The following CDC42 variants were observed in gnomAD, a reference collection of about 807,000 sequenced individuals.
The protein encoded by CDC42 is cell division cycle 42.
Under a neutral mutation model 20.8 loss-of-function variants are expected in CDC42, and 1 was observed. The ratio of observed to expected loss-of-function variants is 0.05; its 90% CI spans 0.02 to 0.23. The LOEUF is 0.23. Ranked by LOEUF, CDC42 falls within the 10% of genes least tolerant of loss-of-function variation. CDC42 has a pLI of 1.00. For synonymous variants in CDC42, 72 were observed against 84.8 expected (o/e 0.85, Z 0.83); for missense variants, 49 against 227.9 (o/e 0.21, Z 5.05).
chr1:22,070,506 C>T (rs1645474980), intron 1 of CDC42, among the ~76,000 whole-genome samples: 1 of 112,440 alleles, frequency 8.9e-6, no homozygotes, highest in African/African-American at 3.4e-5. Context: ...CTCTGTTGCT[C>T]AGGCTGGAGT....
intron 2 of CDC42, chr1:22,078,886 CTTTT>C (rs34952712): frequency 8.0e-4 from 794 of 996,712 alleles, no homozygotes; most frequent in South Asian, 1.4e-3. Flanking sequence ...AATGAGGTGA[CTTTT>C]TTTTTTTTTT....
rs1645770189 is a variant in CDC42 at position 22,098,304 on chromosome 1, G to A, written c.*6787G>A. On this transcript the variant is annotated 3_prime_UTR_variant, in exon 6 of 6. Coordinates refer to ENST00000656825, the MANE Select transcript of CDC42 (RefSeq NM_001791.4). ...ATCATTGAGGTCTCAAATGCAGTTC[G>A]GGTTCCTGGTTGGTGAACAATTAGA... 1.3e-5 allele frequency among the ~76,000 whole-genome samples: 2 copies of A among 151,768 alleles called. No individual in the cohort carries two copies. The highest frequency in any genetic ancestry group is 4.8e-5 in the African/African-American group (2 of 41,290).
intron 1 of CDC42, among the ~76,000 whole-genome samples, chr1:22,064,781 A>G (rs979488631): frequency 6.6e-6 from 1 of 151,788 alleles, no homozygotes; most frequent in Non-Finnish European, 1.5e-5. Flanking sequence ...GGTTCAAGCA[A>G]TTCTCTGGCT....
In CDC42 at chr1:22,095,203, G is replaced by A. The variant is rs1046735861; in HGVS notation, c.*3686G>A. Among the ~76,000 whole-genome samples, 1 of 152,102 alleles carries A rather than the reference G, an allele frequency of 6.6e-6. No homozygotes were observed. Among genetic ancestry groups the A allele is most frequent in the Non-Finnish European group, 1.5e-5 (1 of 68,028 alleles). On this transcript the variant is annotated 3_prime_UTR_variant, in exon 6 of 6. Coordinates refer to ENST00000656825, the MANE Select transcript of CDC42 (RefSeq NM_001791.4). ...TGTAAGTCTTACTCTGTATCTACCC[G>A]ACTTCAGATCATGGTGATTTAATTA... is the stretch of plus-strand genomic sequence containing the variant.
At chr1:22,061,199 G>A (rs1181279037) in intron 1 of CDC42, among the ~76,000 whole-genome samples, 2 of 152,084 alleles carry the variant, frequency 1.3e-5, no homozygotes, top group Non-Finnish European at 2.9e-5. Context: ...CTGAGGTCAG[G>A]AGTTCGAGAC....
intron 1 of CDC42, chr1:22,053,193 T>A (rs960940370): frequency 6.7e-6 from 1 of 149,464 alleles, no homozygotes; most frequent in Non-Finnish European, 1.5e-5. Context: ...GCAGGCTGCG[T>A]TCCGTGCCCT....
chr1:22,071,183 A>G (rs1227074115), intron 1 of CDC42, among the ~76,000 whole-genome samples: 2 of 151,220 alleles, frequency 1.3e-5, no homozygotes, highest in African/African-American at 4.9e-5. Flanking sequence ...AGCTGGGACT[A>G]CAGGCGCCTG....
rs1265477070 is a variant in CDC42 at position 22,098,099 on chromosome 1, G to A, written c.*6582G>A. 6.6e-6 allele frequency among the ~76,000 whole-genome samples: 1 copy of A among 152,168 alleles called. No individual in the cohort carries two copies. The highest frequency in any genetic ancestry group is 1.5e-5 in the Non-Finnish European group (1 of 68,030). On this transcript the variant is annotated 3_prime_UTR_variant, in exon 6 of 6. Transcript: ENST00000656825. Reference sequence around the variant, plus strand: ...TGTGGATCACTTGTCTCAGTCATCAGGATTCCTGGACCCTGTAGGATTTAC... The same window carrying A: ...TGTGGATCACTTGTCTCAGTCATCAAGATTCCTGGACCCTGTAGGATTTAC...
In CDC42 at chr1:22,054,955, T is replaced by A. The variant is rs1385272788; in HGVS notation, c.-51+2213T>A. Among the ~76,000 whole-genome samples, 95 of 42,108 alleles carry A rather than the reference T, an allele frequency of 2.3e-3. 3 individuals carry two copies. Among genetic ancestry groups the A allele is most frequent in the African/African-American group, 3.2e-3 (27 of 8,496 alleles). 27.6% of individuals were successfully genotyped at this position (42,108 alleles called of 152,430 possible). A position where few individuals can be genotyped will look rare whatever the true frequency, so the allele number is the denominator to read the frequency against. ...TTTTTTTTTTTTTTTTTTTTTTTTT[T>A]TTTTTTTTTTTTTTTTGAGAAGGAG... is the stretch of plus-strand genomic sequence containing the variant. On this transcript the variant is annotated intron_variant, in intron 1 of 5. Coordinates refer to ENST00000656825, the MANE Select transcript of CDC42 (RefSeq NM_001791.4).
In CDC42 at chr1:22,097,346, A is replaced by G. The variant is rs961859868; in HGVS notation, c.*5829A>G. 3.3e-5 allele frequency among the ~76,000 whole-genome samples: 5 copies of G among 152,180 alleles called. No homozygotes were observed. The highest frequency in any genetic ancestry group is 1.3e-4 in the Admixed American group (2 of 15,278). On this transcript the variant is annotated 3_prime_UTR_variant, in exon 6 of 6. Coordinates refer to ENST00000656825, the MANE Select transcript of CDC42 (RefSeq NM_001791.4). The stretch of plus-strand genomic sequence containing the variant: ...ATCTCGGCTTGCTGCAATCTCTGCA[A>G]TTCTCATGCCTCAGCCTCCCAAGTA...
intron 1 of CDC42, among the ~76,000 whole-genome samples, chr1:22,066,332 G>A (rs1377022048): frequency 6.6e-6 from 1 of 151,782 alleles, no homozygotes; most frequent in Non-Finnish European, 1.5e-5. Context: ...CTGAAATTGC[G>A]CCACTGTGCT....
At chr1:22,057,618 A>T (rs1354063982) in intron 1 of CDC42, among the ~76,000 whole-genome samples, 2 of 152,148 alleles carry the variant, frequency 1.3e-5, no homozygotes, top group African/African-American at 2.4e-5. Context: ...TCCTGACCTC[A>T]GGTGATCCGC....
chr1:22,089,105 C>CCTTGGGTGGTAAACTTGTGG (rs1467802367), intron 5 of CDC42, among the ~76,000 whole-genome samples: 1 of 152,130 alleles, frequency 6.6e-6, no homozygotes, highest in African/African-American at 2.4e-5. Flanking sequence ...AACTAAAGAA[C>CCTTGGGTGGTAAACTTGTGG]ATGTGAAACA....
intron 1 of CDC42, among the ~76,000 whole-genome samples, chr1:22,057,076 G>C (rs1015866995): frequency 3.3e-5 from 5 of 152,234 alleles, no homozygotes; most frequent in African/African-American, 4.8e-5. Context: ...CCTGGGTTCA[G>C]ATCCTGGTTC....
intron 2 of CDC42, among the ~76,000 whole-genome samples, chr1:22,079,715 T>A (rs1232931019): frequency 6.6e-6 from 1 of 152,184 alleles, no homozygotes; most frequent in African/African-American, 2.4e-5. Context: ...AGGGGACATT[T>A]AGAGGTACAT....
chr1:22,064,927 GGCATTCTGGGATTACAGGCGT>G (rs1194645881), intron 1 of CDC42, among the ~76,000 whole-genome samples: 17 of 152,182 alleles, frequency 1.1e-4, no homozygotes, highest in Middle Eastern at 3.4e-3. Flanking sequence ...CACCCACCTC[GGCATTCTGGGATTACAGGCGT>G]GCATTCTGGG....
At position 22,099,704 on chromosome 1, in the gene CDC42, T is replaced by C. The variant is rs1645777930; in HGVS notation, c.*8187T>C. Among the ~76,000 whole-genome samples, 1 of 152,148 alleles carries C rather than the reference T, an allele frequency of 6.6e-6. No individual in the cohort carries two copies. The highest frequency in any genetic ancestry group is 1.5e-5 in the Non-Finnish European group (1 of 68,030). The stretch of plus-strand genomic sequence containing the variant: ...GAGAGAATATGACACCTTCTTCCTT[T>C]AGAGGATCTAAAGGTGTAGCTTTAG... On this transcript the variant is annotated 3_prime_UTR_variant, in exon 6 of 6. Transcript: ENST00000656825.
chr1:22,084,791 A>G (rs751493176), intron 3 of CDC42, among the ~76,000 whole-genome samples: 1 of 151,856 alleles, frequency 6.6e-6, no homozygotes, highest in Non-Finnish European at 1.5e-5. Flanking sequence ...TAACATTTAG[A>G]CCTTTTATCC....
chr1:22,078,902 T>G, intron 2 of CDC42: 1 of 1,223,410 alleles, frequency 8.2e-7, no homozygotes, highest in South Asian at 1.4e-5. Context: ...TTTTTTTTTT[T>G]TTGATATTTT....
Sources: allele counts gnomAD v4.1 joint callset (sites outside exome capture counted in the v4.1 genomes callset), GRCh38; gene constraint gnomAD v4.1.1; transcripts MANE v1.5; gene names NCBI Gene and HGNC (gene_info 2026-07-23, HGNC 2026-07-21).